Variants in CD200R1L observed in about 807,000 individuals in gnomAD.
CD200R1L encodes the protein CD200 receptor 1 like.
In CD200R1L, 14 loss-of-function variants were observed where a neutral mutation model predicts 24.8. The observed-to-expected ratio is 0.56, with a 90% CI of 0.37 to 0.88. The LOEUF (loss-of-function observed/expected upper bound fraction) is 0.88, where lower values mean the gene tolerates loss of function less well. Ranked by LOEUF, CD200R1L falls within the 40% of genes least tolerant of loss-of-function variation. CD200R1L has a pLI of 0.00. For missense variants in CD200R1L, 299 were observed against 297.8 expected (o/e 1.00, Z -0.03); for synonymous variants, 111 against 109.2 (o/e 1.02, Z -0.11).
intron 6 of CD200R1L, among the ~76,000 whole-genome samples, chr3:112,825,561 C>A (rs1938638146): frequency 6.6e-6 from 1 of 151,660 alleles, no homozygotes; most frequent in Non-Finnish European, 1.5e-5. Context: ...CAGGGAGACA[C>A]AAATGAGTTA....
chr3:112,834,372 T>G (rs139008480), intron 3 of CD200R1L, among the ~76,000 whole-genome samples: 137 of 152,010 alleles, frequency 9.0e-4, no homozygotes, highest in Non-Finnish European at 1.5e-3. Context: ...AATTTGTGCT[T>G]CCAAATCCCA....
chr3:112,829,344 C>A lies in CD200R1L; in HGVS notation c.24G>T (p.Gln8His), dbSNP rs749662247. ...CTTCTGCAAAAATTGTTGAATAGTT[C>A]TGTGTCATCTGCTTTCCACCCATGC... MGGKQMT[Q>H]NYSTIFAEGN... The change falls in exon 4 of 8, where the codon CAG becomes CAT. Residue 8 changes from glutamine (Q) to histidine (H), a missense_variant. By Grantham distance (24) the Gln-to-His change is conservative. Coordinates refer to ENST00000488794, the MANE Select transcript of CD200R1L (RefSeq NM_001199215.3). 3 of 1,614,078 alleles carry A rather than the reference C, an allele frequency of 1.9e-6. No homozygotes were observed. Among genetic ancestry groups the A allele is most frequent in the Non-Finnish European group, 2.5e-6 (3 of 1,179,920 alleles).
At chr3:112,837,897 C>T (rs914350828) in intron 3 of CD200R1L, 45 bp downstream of exon 3, 1 of 781,962 alleles carries the variant, frequency 1.3e-6, no homozygotes, top group Non-Finnish European at 1.7e-6. Context: ...TGCTGATGAT[C>T]CAACCCTCCC....
chr3:112,839,055 A>C, intron 2 of CD200R1L, among the ~76,000 whole-genome samples: 1 of 151,962 alleles, frequency 6.6e-6, no homozygotes, highest in African/African-American at 2.4e-5. Context: ...TAACACACAC[A>C]CACATACACA....
At chr3:112,841,185 G>T (rs1357020835) in intron 2 of CD200R1L, 2 of 373,300 alleles carry the variant, frequency 5.4e-6, no homozygotes, top group Non-Finnish European at 1.1e-5. Flanking sequence ...TCCCCCTAGT[G>T]CTGTCTCATG....
intron 2 of CD200R1L, among the ~76,000 whole-genome samples, chr3:112,841,970 G>A (rs1939093153): frequency 2.0e-5 from 3 of 152,188 alleles, no homozygotes; most frequent in Non-Finnish European, 4.4e-5. Context: ...ATAGTAGTTG[G>A]GCATCCCTTT....
chr3:112,816,113 T>G, intron 7 of CD200R1L, 138 bp from the exon 8 acceptor site: 1 of 629,336 alleles, frequency 1.6e-6, no homozygotes, highest in Non-Finnish European at 2.9e-6. Flanking sequence ...AGTTATGCTA[T>G]TAATCAATGT....
intron 2 of CD200R1L, among the ~76,000 whole-genome samples, chr3:112,845,080 G>A (rs1939170757): frequency 6.6e-6 from 1 of 151,784 alleles, no homozygotes; most frequent in Admixed American, 6.6e-5. Context: ...TCTATACAAA[G>A]CATCAACAAA....
chr3:112,836,655 A>C (rs1938955968), intron 3 of CD200R1L, among the ~76,000 whole-genome samples: 1 of 152,232 alleles, frequency 6.6e-6, no homozygotes, highest in Non-Finnish European at 1.5e-5. Context: ...TATACTGAAC[A>C]GTTTGTGAGA....
At chr3:112,842,090 G>A (rs951985956) in intron 2 of CD200R1L, among the ~76,000 whole-genome samples, 1 of 152,216 alleles carries the variant, frequency 6.6e-6, no homozygotes, top group African/African-American at 2.4e-5. Context: ...TCTAGACACA[G>A]AAGGCTTGGG....
intron 3 of CD200R1L, among the ~76,000 whole-genome samples, chr3:112,832,131 T>A (rs6787688): frequency 0.38 from 57,313 of 151,990 alleles, 11,128 homozygotes; most frequent in Non-Finnish European, 0.43. Context: ...CCTATGACCA[T>A]GTGTTTAGGT....
chr3:112,836,024 A>G (rs4682435), intron 3 of CD200R1L, among the ~76,000 whole-genome samples: 11,415 of 152,312 alleles, frequency 0.075, 487 homozygotes, highest in East Asian at 0.19. Context: ...CCCTGCACAA[A>G]TGAACCCAAT....
At chr3:112,829,660 C>A (rs1036395045) in intron 3 of CD200R1L, 1 of 474,452 alleles carries the variant, frequency 2.1e-6, no homozygotes, top group African/African-American at 2.1e-5. Flanking sequence ...GTAACCATGC[C>A]TCCCCCTATT....
At chr3:112,823,192 C>A (rs1024398744) in intron 6 of CD200R1L, among the ~76,000 whole-genome samples, 1 of 152,210 alleles carries the variant, frequency 6.6e-6, no homozygotes, top group Non-Finnish European at 1.5e-5. Flanking sequence ...TGACCCCATT[C>A]CTTTGGAGTC....
At chr3:112,823,411 T>A (rs1477220867) in intron 6 of CD200R1L, among the ~76,000 whole-genome samples, 2 of 152,212 alleles carry the variant, frequency 1.3e-5, no homozygotes, top group Non-Finnish European at 2.9e-5. Context: ...GTGACTGGTG[T>A]CTGAAGTGAG....
At chr3:112,846,422 AAC>A (rs1432599014) in intron 1 of CD200R1L, among the ~76,000 whole-genome samples, 1 of 152,248 alleles carries the variant, frequency 6.6e-6, no homozygotes, top group Non-Finnish European at 1.5e-5. Flanking sequence ...GTTTGGGGCT[AAC>A]ATAAAGCTTC....
At chr3:112,838,414 A>T (rs555181712) in intron 2 of CD200R1L, among the ~76,000 whole-genome samples, 3 of 152,162 alleles carry the variant, frequency 2.0e-5, no homozygotes, top group African/African-American at 4.8e-5. Flanking sequence ...TAAAAAACTT[A>T]GAAGTACTGG....
chr3:112,834,562 A>G (rs568971814), intron 3 of CD200R1L, among the ~76,000 whole-genome samples: 1 of 152,284 alleles, frequency 6.6e-6, no homozygotes, highest in East Asian at 1.9e-4. Context: ...ATCATGAGAC[A>G]ATAGTGCTAT....
chr3:112,830,694 GA>G (rs1410815264), intron 3 of CD200R1L, among the ~76,000 whole-genome samples: 2 of 151,916 alleles, frequency 1.3e-5, no homozygotes, highest in Non-Finnish European at 2.9e-5. Flanking sequence ...ACAAGAAAAC[GA>G]AAATGATAAA....
Sources: allele counts gnomAD v4.1 joint callset (sites outside exome capture counted in the v4.1 genomes callset), GRCh38; gene constraint gnomAD v4.1.1; transcripts MANE v1.5; gene names NCBI Gene and HGNC (gene_info 2026-07-23, HGNC 2026-07-21).